The following ZFAND3 variants were observed in gnomAD, a reference collection of about 807,000 sequenced individuals.
The protein encoded by ZFAND3 is AN1-type zinc finger protein 3.
A neutral mutation model predicts 29.6 loss-of-function variants in ZFAND3; 10 were observed. That is an observed-to-expected ratio of 0.34 (90% CI 0.21 to 0.57). The LOEUF (loss-of-function observed/expected upper bound fraction) is 0.57. Among genes scored for constraint, ZFAND3 ranks in the 20% least tolerant of loss-of-function variants. ZFAND3 has a pLI of 0.86. For missense variants in ZFAND3, 230 were observed against 304.5 expected (o/e 0.76, Z 1.82); for synonymous variants, 128 against 112.6 (o/e 1.14, Z -0.87).
At chr6:37,823,182 C>G (rs949706568) in intron 1 of ZFAND3, among the ~76,000 whole-genome samples, 4 of 152,156 alleles carry the variant, frequency 2.6e-5, no homozygotes, top group Admixed American at 6.5e-5. Flanking sequence ...CAGATTTGCC[C>G]TGTGGTGGCG....
chr6:37,823,116 ACT>A (rs1429040804), intron 1 of ZFAND3, among the ~76,000 whole-genome samples: 5 of 151,940 alleles, frequency 3.3e-5, no homozygotes, highest in Non-Finnish European at 7.4e-5. Context: ...TGTGGGTATG[ACT>A]CTGTGTGTCT....
chr6:37,988,535 A>T (rs750352483), intron 2 of ZFAND3, among the ~76,000 whole-genome samples: 1 of 152,192 alleles, frequency 6.6e-6, no homozygotes, highest in South Asian at 2.1e-4. Context: ...ATTTTCTCTC[A>T]GTAAAGCTTC....
intron 2 of ZFAND3, among the ~76,000 whole-genome samples, chr6:37,934,184 G>A (rs750572578): frequency 3.4e-5 from 5 of 148,528 alleles, no homozygotes; most frequent in Non-Finnish European, 3.0e-5. Flanking sequence ...CACTGCGCCC[G>A]GCCCTTTTTT....
chr6:37,951,227 A>G (rs774079277), intron 2 of ZFAND3, among the ~76,000 whole-genome samples: 1 of 152,232 alleles, frequency 6.6e-6, no homozygotes, highest in Non-Finnish European at 1.5e-5. Flanking sequence ...TTGATTTTGT[A>G]TCCTGGAACG....
chr6:38,096,469 C>T (rs1039325978), intron 4 of ZFAND3, among the ~76,000 whole-genome samples: 1 of 152,304 alleles, frequency 6.6e-6, no homozygotes, highest in African/African-American at 2.4e-5. Context: ...CTGTGCCCAG[C>T]CAGGGTTGTG....
intron 5 of ZFAND3, chr6:38,142,149 T>TA (rs553044628): frequency 8.3e-5 from 39 of 469,006 alleles, no homozygotes; most frequent in Non-Finnish European, 1.6e-4. Flanking sequence ...GAAACTAAGT[T>TA]ACAGGTCTCT....
At chr6:37,988,359 T>G (rs970860038) in intron 2 of ZFAND3, among the ~76,000 whole-genome samples, 2 of 152,226 alleles carry the variant, frequency 1.3e-5, no homozygotes, top group African/African-American at 4.8e-5. Flanking sequence ...CCTTTATGCT[T>G]TTACTCCTGC....
intron 2 of ZFAND3, among the ~76,000 whole-genome samples, chr6:37,978,135 A>T (rs1349914415): frequency 6.6e-6 from 1 of 152,012 alleles, no homozygotes; most frequent in Non-Finnish European, 1.5e-5. Flanking sequence ...GGGTTTCACC[A>T]TGTTGGTCAG....
At chr6:37,862,312 A>G (rs1488150541) in intron 1 of ZFAND3, among the ~76,000 whole-genome samples, 1 of 152,116 alleles carries the variant, frequency 6.6e-6, no homozygotes, top group Non-Finnish European at 1.5e-5. Flanking sequence ...TTCACCCATC[A>G]TACAGTATCT....
At chr6:37,955,257 G>C (rs1246961048) in intron 2 of ZFAND3, among the ~76,000 whole-genome samples, 1 of 152,068 alleles carries the variant, frequency 6.6e-6, no homozygotes, top group Non-Finnish European at 1.5e-5. Context: ...AAGACAGGAA[G>C]ATAAACTTAG....
At chr6:38,123,729 T>TA (rs1356937853) in intron 5 of ZFAND3, among the ~76,000 whole-genome samples, 1 of 152,150 alleles carries the variant, frequency 6.6e-6, no homozygotes, top group African/African-American at 2.4e-5. Flanking sequence ...CGGTGAGTGT[T>TA]ACGGTTCTTA....
Position 37,876,859 on chromosome 6 carries a change from T to G in ZFAND3, c.72-53100T>G, listed in dbSNP as rs191552166. Among the ~76,000 whole-genome samples the G allele has an allele frequency of 2.7e-3, 406 of 152,320 alleles. 2 individuals carry two copies. The highest frequency in any genetic ancestry group is 9.5e-3 in the African/African-American group (394 of 41,562). On this transcript the variant is annotated intron_variant, in intron 1 of 5. Coordinates refer to ENST00000287218, the MANE Select transcript of ZFAND3 (RefSeq NM_021943.3). Reference sequence around the variant, plus strand: ...GATTAAAATACACGTACATATACCTTGGCTAATTGAGGTTATTTTCGATGT... The same window carrying G: ...GATTAAAATACACGTACATATACCTGGGCTAATTGAGGTTATTTTCGATGT...
At chr6:38,128,032 T>TA (rs1765669315) in intron 5 of ZFAND3, among the ~76,000 whole-genome samples, 1 of 152,236 alleles carries the variant, frequency 6.6e-6, no homozygotes, top group South Asian at 2.1e-4. Flanking sequence ...GTTCAGCCTC[T>TA]AAAACCTTGC....
intron 2 of ZFAND3, among the ~76,000 whole-genome samples, chr6:38,047,401 CT>C (rs1441309113): frequency 6.6e-6 from 1 of 151,948 alleles, no homozygotes; most frequent in African/African-American, 2.4e-5. Flanking sequence ...ATCTGTGATG[CT>C]TTGCAGAATA....
chr6:37,939,482 C>CT (rs1334996984), intron 2 of ZFAND3, among the ~76,000 whole-genome samples: 2 of 152,072 alleles, frequency 1.3e-5, no homozygotes, highest in African/African-American at 2.4e-5. Context: ...TCTGCAGAAG[C>CT]TTTTTTTCCC....
At chr6:37,929,529 G>A (rs1046289660) in intron 1 of ZFAND3, among the ~76,000 whole-genome samples, 1 of 152,166 alleles carries the variant, frequency 6.6e-6, no homozygotes, top group Admixed American at 6.5e-5. Context: ...TATATGAGGA[G>A]AAAGTTTTAC....
At chr6:38,106,287 G>A (rs1170143995) in intron 4 of ZFAND3, among the ~76,000 whole-genome samples, 1 of 152,006 alleles carries the variant, frequency 6.6e-6, no homozygotes, top group Non-Finnish European at 1.5e-5. Flanking sequence ...CAAGTAGCTG[G>A]GATTATAGGC....
At chr6:37,997,647 C>T (rs941911447) in intron 2 of ZFAND3, among the ~76,000 whole-genome samples, 1 of 152,190 alleles carries the variant, frequency 6.6e-6, no homozygotes, top group Non-Finnish European at 1.5e-5. Flanking sequence ...GTCCCTTGTG[C>T]TCCTGGGTGA....
chr6:37,974,495 T>C (rs963729121), intron 2 of ZFAND3, among the ~76,000 whole-genome samples: 2 of 151,070 alleles, frequency 1.3e-5, no homozygotes, highest in Non-Finnish European at 3.0e-5. Context: ...GCCTCAACTT[T>C]CTAGATTCAG....
Sources: allele counts gnomAD v4.1 joint callset (sites outside exome capture counted in the v4.1 genomes callset), GRCh38; gene constraint gnomAD v4.1.1; transcripts MANE v1.5; gene names NCBI Gene and HGNC (gene_info 2026-07-23, HGNC 2026-07-21).